Variants in CDH13 observed in about 807,000 individuals in gnomAD.
CDH13 encodes the protein cadherin 13, also known as cadherin-13.
In CDH13, 24 loss-of-function variants were observed where a neutral mutation model predicts 63.8. The ratio of observed to expected loss-of-function variants is 0.38; its 90% CI spans 0.27 to 0.53. The LOEUF is 0.53. CDH13 is among the 20% of genes least tolerant of loss of function. The pLI is 0.85. For missense variants in CDH13, 1,049 were observed against 903.1 expected (o/e 1.16, Z -2.07); for synonymous variants, 503 against 355.3 (o/e 1.42, Z -4.67).
intron 11 of CDH13, among the ~76,000 whole-genome samples, chr16:83,770,291 A>T (rs1914674738): frequency 6.6e-6 from 1 of 152,144 alleles, no homozygotes; most frequent in Non-Finnish European, 1.5e-5. Context: ...AAAATACTCA[A>T]ACTTCGAGCT....
chr16:83,762,908 C>T (rs1914090458), intron 11 of CDH13, among the ~76,000 whole-genome samples: 1 of 152,180 alleles, frequency 6.6e-6, no homozygotes, highest in African/African-American at 2.4e-5. Context: ...AATGCCCTCT[C>T]ACACTCTGCC....
At chr16:83,344,823 T>G (rs762354407) in intron 5 of CDH13, 39 bp from the exon 6 acceptor site, 1 of 1,607,282 alleles carries the variant, frequency 6.2e-7, no homozygotes, top group Non-Finnish European at 8.5e-7. Context: ...CATAATGAAT[T>G]AATATCTTCT....
intron 1 of CDH13, among the ~76,000 whole-genome samples, chr16:82,688,498 C>T (rs957214365): frequency 1.3e-5 from 2 of 152,220 alleles, no homozygotes; most frequent in Admixed American, 1.3e-4. Context: ...AAGCAGAATT[C>T]ATGTTCTCTG....
chr16:83,148,869 C>T (rs1428553635), intron 4 of CDH13, among the ~76,000 whole-genome samples: 1 of 150,978 alleles, frequency 6.6e-6, no homozygotes, highest in Non-Finnish European at 1.5e-5. Context: ...CCTTTTTATA[C>T]AAAAAAAAGG....
chr16:83,561,714 A>G (rs1386442072), intron 7 of CDH13, among the ~76,000 whole-genome samples: 1 of 152,208 alleles, frequency 6.6e-6, no homozygotes, highest in Non-Finnish European at 1.5e-5. Context: ...GAATTTTGAG[A>G]GATAATGTAC....
intron 11 of CDH13, among the ~76,000 whole-genome samples, chr16:83,749,022 G>A (rs12599761): frequency 0.036 from 5,408 of 152,270 alleles, 293 homozygotes; most frequent in Admixed American, 0.13. Context: ...TACTTTGAAT[G>A]CAGAGCTGAC....
At position 83,795,524 on chromosome 16, in the gene CDH13, C is replaced by T. The variant is rs3743621; in HGVS notation, c.*494C>T. Reference sequence around the variant, plus strand: ...ACTAAGACACCTGAACCCTCCAGGGCCTCCCGCATCAAGGTCAGCATGAGG... The same window carrying T: ...ACTAAGACACCTGAACCCTCCAGGGTCTCCCGCATCAAGGTCAGCATGAGG... On this transcript the variant is annotated 3_prime_UTR_variant, in exon 14 of 14. Transcript: ENST00000567109. 11,017 of 155,778 alleles carry T rather than the reference C, an allele frequency of 0.071. 484 individuals carry two copies. Among genetic ancestry groups the T allele is most frequent in the Non-Finnish European group, 0.1 (7,318 of 70,372 alleles). The allele number at this position is 155,778 out of a possible 1,614,324, so 9.6% of individuals were successfully genotyped here.
chr16:82,697,423 C>CTTTTTTTT (rs34376129), intron 1 of CDH13, among the ~76,000 whole-genome samples: 58 of 54,890 alleles, frequency 1.1e-3, no homozygotes, highest in African/African-American at 1.5e-3. Context: ...TTTCTTTTTT[C>CTTTTTTTT]TTTTTTTTTT....
At chr16:82,778,609 T>A (rs1002443532) in intron 1 of CDH13, among the ~76,000 whole-genome samples, 5 of 151,036 alleles carry the variant, frequency 3.3e-5, no homozygotes, top group Admixed American at 1.3e-4. Context: ...GCTTTATCTA[T>A]TCTCACTACA....
chr16:83,504,575 G>A (rs1005114306), intron 7 of CDH13, among the ~76,000 whole-genome samples: 2 of 152,114 alleles, frequency 1.3e-5, no homozygotes, highest in African/African-American at 4.8e-5. Flanking sequence ...CCACGTTTTG[G>A]GATTCTAGCA....
intron 9 of CDH13, among the ~76,000 whole-genome samples, chr16:83,675,214 C>A (rs1322184749): frequency 6.6e-6 from 1 of 152,198 alleles, no homozygotes; most frequent in African/African-American, 2.4e-5. Flanking sequence ...TGGAGGGCTT[C>A]TTAATCCAAT....
chr16:83,761,640 A>T (rs1433403236), intron 11 of CDH13, among the ~76,000 whole-genome samples: 7 of 152,220 alleles, frequency 4.6e-5, no homozygotes, highest in African/African-American at 1.7e-4. Flanking sequence ...CTGGCACGAG[A>T]GTAGGTGACA....
intron 4 of CDH13, among the ~76,000 whole-genome samples, chr16:83,185,154 C>T (rs1484273321): frequency 6.6e-6 from 1 of 152,108 alleles, no homozygotes; most frequent in Non-Finnish European, 1.5e-5. Flanking sequence ...GTCGTGGCAG[C>T]ACTGAGATTT....
At chr16:83,564,745 A>G (rs1437237603) in intron 7 of CDH13, among the ~76,000 whole-genome samples, 2 of 152,324 alleles carry the variant, frequency 1.3e-5, no homozygotes, top group South Asian at 2.1e-4. Flanking sequence ...AAAGGTAAGA[A>G]TAATGACTGA....
intron 10 of CDH13, among the ~76,000 whole-genome samples, chr16:83,698,309 C>A (rs1905693402): frequency 6.6e-6 from 1 of 152,180 alleles, no homozygotes; most frequent in South Asian, 2.1e-4. Flanking sequence ...TAAATATCTT[C>A]ACTTAATTAT....
chr16:83,644,550 A>G (rs1368831752), intron 8 of CDH13, among the ~76,000 whole-genome samples: 1 of 152,220 alleles, frequency 6.6e-6, no homozygotes, highest in Non-Finnish European at 1.5e-5. Context: ...TTTTTCTAAT[A>G]TGATTAAAGT....
intron 3 of CDH13, among the ~76,000 whole-genome samples, chr16:83,081,784 G>T (rs2033272963): frequency 6.6e-6 from 1 of 151,986 alleles, no homozygotes; most frequent in African/African-American, 2.4e-5. Flanking sequence ...CCACCCTCAT[G>T]ACCTCATCTA....
At chr16:83,171,770 G>A (rs1478007612) in intron 4 of CDH13, among the ~76,000 whole-genome samples, 3 of 152,206 alleles carry the variant, frequency 2.0e-5, no homozygotes, top group Admixed American at 2.0e-4. Flanking sequence ...AGGTAGTATT[G>A]TAGGAAGATT....
chr16:83,030,529 G>C (rs1366122686), intron 2 of CDH13, among the ~76,000 whole-genome samples: 2 of 150,512 alleles, frequency 1.3e-5, no homozygotes, highest in Non-Finnish European at 1.5e-5. Context: ...TGTAATCCCA[G>C]CTACCCAGGA....
Sources: gnomAD v4.1 joint callset for allele counts (sites outside exome capture counted in the v4.1 genomes callset) on GRCh38, gnomAD v4.1.1 for gene constraint, MANE v1.5 for transcripts, NCBI Gene and HGNC (gene_info 2026-07-23, HGNC 2026-07-21) for gene names.